Variants in ASPHD1 observed in about 807,000 individuals in gnomAD.
ASPHD1 encodes the protein aspartate beta-hydroxylase domain containing 1.
Under a neutral mutation model 28.3 loss-of-function variants are expected in ASPHD1, and 20 were observed. That is an observed-to-expected ratio of 0.71 (90% CI 0.50 to 1.03). ASPHD1 has a LOEUF of 1.03. Among genes scored for constraint, ASPHD1 ranks in the 50% least tolerant of loss-of-function variants. ASPHD1 has a pLI of 0.00. For missense variants in ASPHD1, 479 were observed against 524.1 expected (o/e 0.91, Z 0.84); for synonymous variants, 240 against 221.2 (o/e 1.08, Z -0.75).
downstream of ASPHD1, chr16:29,906,102 T>G: frequency 2.2e-6 from 1 of 446,446 alleles, no homozygotes; most frequent in Non-Finnish European, 4.0e-6. Context: ...CAGGGCCTTA[T>G]GTCTTCTCCT....
At position 29,901,751 on chromosome 16, in the gene ASPHD1, C is replaced by G; in HGVS notation, c.780C>G (p.Cys260Trp). The change falls in exon 1 of 3, where the codon TGC becomes TGG. Residue 260 changes from cysteine to tryptophan, a missense_variant. Coordinates refer to ENST00000308748, the MANE Select transcript of ASPHD1 (RefSeq NM_181718.4). The surrounding 1 kb of genome is among the most constrained non-coding windows in gnomAD (Gnocchi z 5.1). The stretch of plus-strand genomic sequence containing the variant: ...TCCTGCTGTACCAAGCAGGCCGGTG[C>G]CAACCCAGCAACTGCCGCCGGTGCC... ...YQLLLYQAGR[C>W]QPSNCRRCPG... The G allele has an allele frequency of 3.2e-6, 5 of 1,550,470 alleles. No homozygotes were observed. The highest frequency in any genetic ancestry group is 4.4e-6 in the Non-Finnish European group (5 of 1,148,932).
chr16:29,905,866 C>A lies in ASPHD1; in HGVS notation c.1142C>A (p.Ala381Asp). Residue 381 changes from alanine to aspartate, a missense_variant, in exon 3 of 3, where the codon GCC becomes GAC. Transcript: ENST00000308748. ...HPNVAGAERQ[A>D]LDFVFAPDP ...AACGTGGCAGGGGCTGAGCGCCAGG[C>A]CCTCGACTTTGTCTTCGCCCCAGAC... The A allele has an allele frequency of 6.2e-7, 1 of 1,613,664 alleles. No individual in the cohort carries two copies.
At chr16:29,906,851 A>T (rs1466076468), downstream of ASPHD1, 2 of 1,599,426 alleles carry the variant, frequency 1.3e-6, no homozygotes, top group African/African-American at 2.7e-5. Flanking sequence ...GGCAAGAGGA[A>T]GGCAGGGGGA....
chr16:29,904,984 T>C lies in ASPHD1; in HGVS notation c.1063+19T>C. 6.3e-7 allele frequency: 1 copy of C among 1,581,630 alleles called. No homozygotes were observed. The highest frequency in any genetic ancestry group is 8.7e-7 in the Non-Finnish European group (1 of 1,152,490). ...CACAATGGTAACGGGGTGCCCATTC[T>C]GCAGGGGGGATGAGGGACTCAGGAG... On this transcript the variant is annotated intron_variant, in intron 2 of 2. Coordinates refer to ENST00000308748, the MANE Select transcript of ASPHD1 (RefSeq NM_181718.4).
intron 3 of ASPHD1, chr16:29,911,865 G>A (rs376560193): frequency 8.7e-6 from 14 of 1,612,046 alleles, no homozygotes; most frequent in African/African-American, 6.7e-5. Flanking sequence ...GCTTCACCAC[G>A]GGCTGGCGGG....
downstream of ASPHD1, chr16:29,906,834 G>T: frequency 6.4e-7 from 1 of 1,570,788 alleles, no homozygotes; most frequent in Non-Finnish European, 8.8e-7. Context: ...GAGGGACTGG[G>T]TCCCAAGGCA....
At chr16:29,910,909 C>A, downstream of ASPHD1, 3 of 1,472,582 alleles carry the variant, frequency 2.0e-6, no homozygotes, top group Non-Finnish European at 2.8e-6. Flanking sequence ...CCCTGCCAAC[C>A]TGCTTTTGTC....
chr16:29,912,184 C>T (rs1005681096), intron 3 of ASPHD1: 15 of 675,720 alleles, frequency 2.2e-5, no homozygotes, highest in East Asian at 1.4e-4. Flanking sequence ...CTCCAAGCTC[C>T]GCCAGCCTCT....
At chr16:29,912,708 G>A (rs1028975650) in intron 3 of ASPHD1, among the ~76,000 whole-genome samples, 7 of 152,358 alleles carry the variant, frequency 4.6e-5, no homozygotes, top group Admixed American at 4.6e-4. Flanking sequence ...CCAAAGTGCT[G>A]GGATTACAGG....
In ASPHD1 at chr16:29,905,984, C is replaced by CGGGG; in HGVS notation, c.*89_*92dup. ...GGTAGCCAGGACCTCCTCTCTACTG[C>CGGGG]GGGGGTGGGCGGGGGCGGAGGATGG... is the stretch of plus-strand genomic sequence containing the variant. On this transcript the variant is annotated 3_prime_UTR_variant, in exon 3 of 3. Coordinates refer to ENST00000308748, the MANE Select transcript of ASPHD1 (RefSeq NM_181718.4). 4 of 394,908 alleles carry CGGGG rather than the reference C, an allele frequency of 1.0e-5. No homozygotes were observed. Among genetic ancestry groups the CGGGG allele is most frequent in the East Asian group, 7.4e-5 (1 of 13,502 alleles). 24.5% of individuals were successfully genotyped at this position (394,908 alleles called of 1,614,324 possible). A position where few individuals can be genotyped will look rare whatever the true frequency, so the allele number is the denominator to read the frequency against.
downstream of ASPHD1, among the ~76,000 whole-genome samples, chr16:29,908,243 A>G (rs2068646933): frequency 6.6e-6 from 1 of 152,194 alleles, no homozygotes; most frequent in South Asian, 2.1e-4. Flanking sequence ...GGAAGATCAA[A>G]AGGGAGGCCA....
In ASPHD1 at chr16:29,905,812, T is replaced by C. The variant is rs774261872; in HGVS notation, c.1088T>C (p.Val363Ala). 3.1e-6 allele frequency: 5 copies of C among 1,613,602 alleles called. No individual in the cohort carries two copies. Among genetic ancestry groups the C allele is most frequent in the Non-Finnish European group, 4.2e-6 (5 of 1,179,852 alleles). ...GGCTCCCCCGAAGATGGGCCTCGAGTGGTCTTCATCGTGGACCTCTGGCAC... is the reference window on the plus strand; with the variant it reads ...GGCTCCCCCGAAGATGGGCCTCGAGCGGTCTTCATCGTGGACCTCTGGCAC... Reference protein sequence around the residue: ...HNGSPEDGPRVVFIVDLWHPN... With the variant: ...HNGSPEDGPRAVFIVDLWHPN... Residue 363 changes from valine to alanine, a missense_variant, in exon 3 of 3, where the codon GTG (valine) becomes GCG (alanine). Physicochemically the swap from Val to Ala is moderately conservative, Grantham distance 64 (BLOSUM62 0). Transcript: ENST00000308748.
chr16:29,908,024 A>G (rs1372735467), downstream of ASPHD1, among the ~76,000 whole-genome samples: 3 of 151,974 alleles, frequency 2.0e-5, no homozygotes, highest in Non-Finnish European at 4.4e-5. Flanking sequence ...ACATCAGGAA[A>G]AGAGATACAT....
chr16:29,900,704 AC>A lies in ASPHD1; in HGVS notation c.-267del. The A allele has an allele frequency of 1.8e-6, 1 of 554,330 alleles. No homozygotes were observed. The allele number at this position is 554,330 out of a possible 1,614,324, so 34.3% of individuals were successfully genotyped here. On this transcript the variant is annotated 5_prime_UTR_variant, in exon 1 of 3. Coordinates refer to ENST00000308748, the MANE Select transcript of ASPHD1 (RefSeq NM_181718.4). ...GAGAAAGAAGCTGCCGCGGAGGAAG[AC>A]AGGCTGCGGGTTCCCGGGACTGCAG... is the stretch of plus-strand genomic sequence containing the variant.
At position 29,901,989 on chromosome 16, in the gene ASPHD1, C is replaced by A; in HGVS notation, c.949+69C>A. Reference sequence around the variant, plus strand: ...TTCCCCCCCAGACCCTTCTCTCCGCCAGAGCCGTCTGCTGTCTGGTTCTCA... The same window carrying A: ...TTCCCCCCCAGACCCTTCTCTCCGCAAGAGCCGTCTGCTGTCTGGTTCTCA... On this transcript the variant is annotated intron_variant, in intron 1 of 2. Transcript: ENST00000308748. The surrounding 1 kb of genome is among the most constrained non-coding windows in gnomAD (Gnocchi z 5.1). 8.0e-7 allele frequency: 1 copy of A among 1,256,672 alleles called. No individual in the cohort carries two copies. Among genetic ancestry groups the A allele is most frequent in the Non-Finnish European group, 1.0e-6 (1 of 957,170 alleles). The allele number at this position is 1,256,672 out of a possible 1,614,324, so 77.8% of individuals were successfully genotyped here.
chr16:29,901,538 G>A lies in ASPHD1; in HGVS notation c.567G>A (p.Leu189=). The A allele has an allele frequency of 6.4e-7, 1 of 1,569,290 alleles. No individual in the cohort carries two copies. Among genetic ancestry groups the A allele is most frequent in the Non-Finnish European group, 8.6e-7 (1 of 1,163,664 alleles). Residue 189 remains leucine (L), a synonymous_variant, in exon 1 of 3, where the codon CTG becomes CTA. Coordinates refer to ENST00000308748, the MANE Select transcript of ASPHD1 (RefSeq NM_181718.4). The surrounding 1 kb of genome is among the most constrained non-coding windows in gnomAD (Gnocchi z 5.1). The part of the protein sequence containing the change: ...PGVLGIQRPG[L]LFLPDLPSAP... ...TCCTAGGTATTCAGCGCCCAGGCCT[G>A]CTTTTCCTACCAGACCTGCCTTCAG...
chr16:29,905,425 A>G (rs2068596370), intron 2 of ASPHD1, among the ~76,000 whole-genome samples: 1 of 152,026 alleles, frequency 6.6e-6, no homozygotes, highest in African/African-American at 2.4e-5. Flanking sequence ...CAGGAGTTCG[A>G]GACCAGCCTG....
intron 3 of ASPHD1, chr16:29,912,105 A>G: frequency 8.2e-7 from 1 of 1,222,604 alleles, no homozygotes; most frequent in Non-Finnish European, 1.2e-6. Context: ...GTACTCCCCC[A>G]CTTAAAAGCC....
rs376294577 is a variant in ASPHD1, at chr16:29,901,129, G to A, written c.158G>A (p.Gly53Asp). ...GAGCTGGGGGGACAGGGGAACTGGG[G>A]TCCGGAGGACGCCCCAGGCCTCTTG... is the stretch of plus-strand genomic sequence containing the variant. ...GGELGGQGNW[G>D]PEDAPGLLAR... is the part of the protein sequence containing the mutation. The change falls in exon 1 of 3, where the codon GGT (glycine) becomes GAT (aspartate). Residue 53 changes from glycine to aspartate, a missense_variant. Physicochemically the swap from Gly to Asp is moderately conservative, Grantham distance 94. Coordinates refer to ENST00000308748, the MANE Select transcript of ASPHD1 (RefSeq NM_181718.4). This position sits in a 1 kb window ranked among gnomAD's most constrained non-coding sequence, Gnocchi z 5.1. 4.4e-6 allele frequency: 7 copies of A among 1,609,074 alleles called. No individual in the cohort carries two copies. In the African/African-American group the frequency reaches 8.0e-5, roughly 18 times the overall value.
Sources: allele counts gnomAD v4.1 joint callset (sites outside exome capture counted in the v4.1 genomes callset), GRCh38; gene constraint gnomAD v4.1.1; non-coding constraint Gnocchi (gnomAD v3.1); transcripts MANE v1.5; gene names NCBI Gene and HGNC (gene_info 2026-07-23, HGNC 2026-07-21).